Variants in DMXL1 observed in about 807,000 individuals in gnomAD.
DMXL1 encodes the protein dmX-like protein 1.
Under a neutral mutation model 319.2 loss-of-function variants are expected in DMXL1, and 99 were observed. The observed-to-expected ratio is 0.31, with a 90% CI of 0.26 to 0.37. DMXL1 has a LOEUF of 0.37. Ranked by LOEUF, DMXL1 falls within the 10% of genes least tolerant of loss-of-function variation. DMXL1 has a pLI of 1.00. For synonymous variants in DMXL1, 1,385 were observed against 1,235.2 expected (o/e 1.12, Z -2.54); for missense variants, 3,745 against 3,595.6 (o/e 1.04, Z -1.06).
chr5:119,143,766 G>C (rs778177405), intron 13 of DMXL1, 75 bp from the exon 14 acceptor site: 6 of 957,230 alleles, frequency 6.3e-6, no homozygotes, highest in Non-Finnish European at 9.3e-6. Context: ...TATCTGTTAT[G>C]CTTGAAATTT....
chr5:119,186,029 G>T (rs912975918), intron 28 of DMXL1, among the ~76,000 whole-genome samples: 2 of 152,194 alleles, frequency 1.3e-5, no homozygotes, highest in Non-Finnish European at 2.9e-5. Flanking sequence ...TTAGGAGACT[G>T]AGGACTTAGA....
rs564952409 is a variant in DMXL1 at position 119,164,438 on chromosome 5, C to G, written c.4703-69C>G. On this transcript the variant is annotated intron_variant, in intron 19 of 43. Transcript: ENST00000539542. ...ACACATTTATATTGAAAATATGGAA[C>G]ATACATTTCTGATAATCATATAAGC... The G allele has an allele frequency of 3.3e-5, 45 of 1,344,436 alleles. No homozygotes were observed. In the African/African-American group the frequency reaches 5.9e-4, roughly 18 times the overall value. The allele number at this position is 1,344,436 out of a possible 1,614,324, so 83.3% of individuals were successfully genotyped here.
intron 1 of DMXL1, among the ~76,000 whole-genome samples, chr5:119,071,974 C>CT (rs1307837237): frequency 2.0e-5 from 3 of 151,882 alleles, no homozygotes; most frequent in Non-Finnish European, 2.9e-5. Context: ...GAGTTGGGGG[C>CT]TTTTTTATAC....
intron 17 of DMXL1, 26 bp downstream of exon 17, chr5:119,147,496 T>A: frequency 6.5e-7 from 1 of 1,528,424 alleles, no homozygotes; most frequent in Non-Finnish European, 9.1e-7. Context: ...GAAAAGAGAC[T>A]AATTTTGTAA....
At chr5:119,227,767 A>G (rs976866679) in intron 38 of DMXL1, among the ~76,000 whole-genome samples, 1 of 152,156 alleles carries the variant, frequency 6.6e-6, no homozygotes, top group Non-Finnish European at 1.5e-5. Flanking sequence ...ATGTCCTGCT[A>G]TAAGAAGGAC....
intron 28 of DMXL1, among the ~76,000 whole-genome samples, chr5:119,185,045 G>A (rs775588429): frequency 5.9e-5 from 9 of 151,882 alleles, no homozygotes; most frequent in Non-Finnish European, 1.2e-4. Flanking sequence ...TACTACTATC[G>A]ATCCAGATGT....
At chr5:119,116,740 C>G (rs968334263) in intron 7 of DMXL1, among the ~76,000 whole-genome samples, 1 of 151,970 alleles carries the variant, frequency 6.6e-6, no homozygotes, top group Admixed American at 6.6e-5. Flanking sequence ...TAAAAAATAG[C>G]TTTATTAAGA....
intron 18 of DMXL1, among the ~76,000 whole-genome samples, chr5:119,151,169 A>G (rs546574281): frequency 6.6e-6 from 1 of 152,114 alleles, no homozygotes; most frequent in South Asian, 2.1e-4. Context: ...ATTAGCATTA[A>G]TGTATGCTCC....
chr5:119,119,049 T>C (rs1394241712), intron 8 of DMXL1, 45 bp downstream of exon 8: 3 of 1,357,964 alleles, frequency 2.2e-6, no homozygotes, highest in African/African-American at 2.9e-5. Flanking sequence ...TTAAAACCTT[T>C]GGTACATTGC....
chr5:119,074,514 T>C (rs185064606), intron 1 of DMXL1, among the ~76,000 whole-genome samples: 184 of 152,350 alleles, frequency 1.2e-3, no homozygotes, highest in Non-Finnish European at 2.1e-3. Flanking sequence ...GTTTTACTCA[T>C]AAAGCCTGAC....
intron 42 of DMXL1, among the ~76,000 whole-genome samples, chr5:119,240,931 C>G (rs933953192): frequency 1.2e-4 from 19 of 152,056 alleles, no homozygotes; most frequent in African/African-American, 3.4e-4. Context: ...AAAATAAATT[C>G]ACAAGTATAG....
At chr5:119,106,105 A>G (rs1202594418) in intron 4 of DMXL1, among the ~76,000 whole-genome samples, 3 of 152,118 alleles carry the variant, frequency 2.0e-5, no homozygotes, top group African/African-American at 7.2e-5. Context: ...CAGCTAAAAG[A>G]TCCAAGAAAG....
At chr5:119,144,242 A>G (rs1042373866) in intron 14 of DMXL1, among the ~76,000 whole-genome samples, 1 of 151,866 alleles carries the variant, frequency 6.6e-6, no homozygotes, top group Admixed American at 6.6e-5. Context: ...ATCCATGGTT[A>G]TTGAAAATCA....
At chr5:119,129,578 T>C (rs1764347545) in intron 10 of DMXL1, among the ~76,000 whole-genome samples, 155 bp downstream of exon 10, 1 of 152,216 alleles carries the variant, frequency 6.6e-6, no homozygotes, top group South Asian at 2.1e-4. Context: ...TGTAGATATT[T>C]CTGTTATAGG....
At chr5:119,210,756 CG>C (rs368702780) in intron 34 of DMXL1, among the ~76,000 whole-genome samples, 7 of 65,944 alleles carry the variant, frequency 1.1e-4, no homozygotes, top group African/African-American at 3.0e-4. Context: ...TTTTTTCTTT[CG>C]TTTTTTTTTT....
chr5:119,133,788 T>A lies in DMXL1; in HGVS notation c.1864T>A (p.Ser622Thr). 6.2e-7 allele frequency: 1 copy of A among 1,614,242 alleles called. No homozygotes were observed. The highest frequency in any genetic ancestry group is 8.5e-7 in the Non-Finnish European group (1 of 1,180,052). The change falls in exon 12 of 44, where the codon TCT (serine) becomes ACT (threonine). Residue 622 changes from serine to threonine, a missense_variant. Physicochemically the swap from Ser to Thr is moderately conservative, Grantham distance 58. Transcript: ENST00000539542. ...CAGTTTTGCCGAGGAATCTGCTTTT[T>A]CTACTGTTCTCAGTATTTCCCACAA... ...LVSFAEESAF[S>T]TVLSISHKSR...
intron 1 of DMXL1, among the ~76,000 whole-genome samples, chr5:119,089,297 T>TGC (rs1754135260): frequency 4.0e-5 from 3 of 74,788 alleles, no homozygotes; most frequent in African/African-American, 1.6e-4. Context: ...TATATATTTT[T>TGC]TTTTTTTTTT....
rs1037012502 is a variant in DMXL1 at position 119,164,452 on chromosome 5, A to C, written c.4703-55A>C. 5.5e-6 allele frequency: 8 copies of C among 1,444,366 alleles called. No individual in the cohort carries two copies. The African/African-American group carries it at 8.6e-5, about 15-fold the overall frequency. The allele number at this position is 1,444,366 out of a possible 1,614,324, so 89.5% of individuals were successfully genotyped here. ...AAAATATGGAACATACATTTCTGAT[A>C]ATCATATAAGCATATTTATAATTCT... On this transcript the variant is annotated intron_variant, in intron 19 of 43. Coordinates refer to ENST00000539542, the MANE Select transcript of DMXL1 (RefSeq NM_001290321.3).
intron 5 of DMXL1, among the ~76,000 whole-genome samples, chr5:119,112,910 C>G (rs181474382): frequency 1.2e-4 from 18 of 150,880 alleles, no homozygotes; most frequent in African/African-American, 4.4e-4. Flanking sequence ...GAGCCGAGAT[C>G]ACACCACTGC....
Sources: gnomAD v4.1 joint callset for allele counts (sites outside exome capture counted in the v4.1 genomes callset) on GRCh38, gnomAD v4.1.1 for gene constraint, MANE v1.5 for transcripts, NCBI Gene and HGNC (gene_info 2026-07-23, HGNC 2026-07-21) for gene names.